ODR4: variants seen among roughly 807,000 people sequenced by gnomAD.
The protein encoded by ODR4 is odr-4 GPCR localization factor homolog, also known as protein odr-4 homolog.
Under a neutral mutation model 60.2 loss-of-function variants are expected in ODR4, and 47 were observed. The observed-to-expected ratio is 0.78, with a 90% CI of 0.62 to 1.00. ODR4 has a LOEUF of 1.00. Among genes scored for constraint, ODR4 ranks in the 50% least tolerant of loss-of-function variants. ODR4 has a pLI of 0.00. For synonymous variants in ODR4, 178 were observed against 175.5 expected (o/e 1.01, Z -0.11); for missense variants, 488 against 530.8 (o/e 0.92, Z 0.79).
downstream of ODR4, among the ~76,000 whole-genome samples, chr1:186,421,546 A>G (rs943741787): frequency 6.6e-6 from 1 of 152,132 alleles, no homozygotes; most frequent in Non-Finnish European, 1.5e-5. Flanking sequence ...TGTAGTCAAG[A>G]GTTCAAGGGT....
chr1:186,411,202 G>A (rs1001417409), intron 12 of ODR4, among the ~76,000 whole-genome samples: 11 of 152,236 alleles, frequency 7.2e-5, no homozygotes, highest in African/African-American at 2.6e-4. Context: ...GGTTAGGAAT[G>A]CTAAGCTGGT....
Position 186,419,181 on chromosome 1 carries a change from A to G in ODR4, c.*105A>G. On this transcript the variant is annotated 3_prime_UTR_variant, in exon 14 of 14. Transcript: ENST00000287859. ...CTGTATTTAAAACACTAGCAGCCAGATCTGCTGCCATGATGCCTATTTGGT... is the reference window on the plus strand; with the variant it reads ...CTGTATTTAAAACACTAGCAGCCAGGTCTGCTGCCATGATGCCTATTTGGT... 2.1e-6 allele frequency: 2 copies of G among 969,334 alleles called. No homozygotes were observed. The highest frequency in any genetic ancestry group is 4.1e-5 in the Admixed American group (2 of 49,208). The allele number at this position is 969,334 out of a possible 1,614,324, so 60.0% of individuals were successfully genotyped here. A position where few individuals can be genotyped will look rare whatever the true frequency, so the allele number is the denominator to read the frequency against.
intron 3 of ODR4, among the ~76,000 whole-genome samples, chr1:186,383,629 ACTTTAAAT>A (rs1020610154): frequency 2.7e-5 from 4 of 150,226 alleles, no homozygotes; most frequent in African/African-American, 9.8e-5. Flanking sequence ...TTTCCAATCA[ACTTTAAAT>A]CTTTAAATCT....
At chr1:186,429,459 A>G in the ODR4 span, among the ~76,000 whole-genome samples, 2 of 152,218 alleles carry the variant, frequency 1.3e-5, no homozygotes, top group Non-Finnish European at 2.9e-5. Flanking sequence ...GCCAACTACA[A>G]TAAAATAAGA....
At chr1:186,414,094 T>C (rs955523653) in intron 12 of ODR4, among the ~76,000 whole-genome samples, 1 of 152,176 alleles carries the variant, frequency 6.6e-6, no homozygotes, top group Non-Finnish European at 1.5e-5. Context: ...ACACAGTGCC[T>C]GAGATTTGGT....
chr1:186,385,848 G>T, intron 3 of ODR4, 140 bp from the exon 4 acceptor site: 1 of 567,156 alleles, frequency 1.8e-6, no homozygotes, highest in South Asian at 2.3e-5. Flanking sequence ...TGTAGCTAAA[G>T]GATGTTGTTA....
intron 3 of ODR4, among the ~76,000 whole-genome samples, chr1:186,384,975 GA>G (rs1479507554): frequency 1.3e-5 from 2 of 151,866 alleles, no homozygotes. Flanking sequence ...GTAGATGATA[GA>G]AAAAAATCCA....
downstream of ODR4, among the ~76,000 whole-genome samples, chr1:186,424,890 G>A (rs1287159418): frequency 1.3e-5 from 2 of 151,748 alleles, no homozygotes; most frequent in African/African-American, 2.4e-5. Context: ...GTCCTTTTGG[G>A]GCCTTAGCTT....
chr1:186,421,790 G>T (rs1273417642), downstream of ODR4, among the ~76,000 whole-genome samples: 4 of 150,764 alleles, frequency 2.7e-5, no homozygotes, highest in African/African-American at 7.3e-5. Flanking sequence ...CTTGAACCAG[G>T]GAGGCGAAGG....
Position 186,412,766 on chromosome 1 carries a change from C to T in ODR4, c.1187-4778C>T, listed in dbSNP as rs147445793. Reference sequence around the variant, plus strand: ...ACCTTAAAGAAGTCCCCTCTGAGTCCTAGATTCTCTTGGGGTTGATGTGAG... The same window carrying T: ...ACCTTAAAGAAGTCCCCTCTGAGTCTTAGATTCTCTTGGGGTTGATGTGAG... On this transcript the variant is annotated intron_variant, in intron 12 of 13. Coordinates refer to ENST00000287859, the MANE Select transcript of ODR4 (RefSeq NM_017847.6). Among the ~76,000 whole-genome samples, 260 of 152,070 alleles carry T rather than the reference C, an allele frequency of 1.7e-3. 2 individuals are homozygous for T. The highest frequency in any genetic ancestry group is 5.9e-3 in the African/African-American group (243 of 41,502).
rs528986038 is a variant in ODR4 at position 186,401,114 on chromosome 1, A to G, written c.1000+2070A>G. Reference sequence around the variant, plus strand: ...GACACATTAGTATACTCTTCTATTTAAAAATCCTTTATAAAAGTGGTATTA... The same window carrying G: ...GACACATTAGTATACTCTTCTATTTGAAAATCCTTTATAAAAGTGGTATTA... On this transcript the variant is annotated intron_variant, in intron 11 of 13. Transcript: ENST00000287859. 1.1e-5 allele frequency: 18 copies of G among 1,595,636 alleles called. No homozygotes were observed. The South Asian group carries it at 2.0e-4, about 18-fold the overall frequency.
At chr1:186,377,888 A>G (rs1659850019) in intron 1 of ODR4, among the ~76,000 whole-genome samples, 1 of 152,174 alleles carries the variant, frequency 6.6e-6, no homozygotes, top group South Asian at 2.1e-4. Context: ...TACTAAAAAT[A>G]CAAAAAATTA....
intron 13 of ODR4, among the ~76,000 whole-genome samples, 170 bp from the exon 14 acceptor site, chr1:186,418,839 C>T (rs1461007322): frequency 6.6e-6 from 1 of 152,156 alleles, no homozygotes; most frequent in African/African-American, 2.4e-5. Flanking sequence ...GTATTTTTCT[C>T]TAAGATGTTG....
At chr1:186,415,347 T>C (rs2102092438) in intron 12 of ODR4, among the ~76,000 whole-genome samples, 1 of 152,334 alleles carries the variant, frequency 6.6e-6, no homozygotes, top group Non-Finnish European at 1.5e-5. Flanking sequence ...GAGCTTGTGC[T>C]CCCATATTGG....
At chr1:186,380,361 T>C (rs1659976459) in intron 2 of ODR4, among the ~76,000 whole-genome samples, 1 of 152,178 alleles carries the variant, frequency 6.6e-6, no homozygotes, top group Non-Finnish European at 1.5e-5. Context: ...TCTTACTGAA[T>C]TTTTTGTTGT....
chr1:186,409,821 G>A (rs1439942661), intron 12 of ODR4, among the ~76,000 whole-genome samples: 1 of 152,184 alleles, frequency 6.6e-6, no homozygotes, highest in Non-Finnish European at 1.5e-5. Flanking sequence ...TGGGATTACA[G>A]GTGTTAGTCA....
chr1:186,409,498 C>T (rs906240821), intron 12 of ODR4, among the ~76,000 whole-genome samples: 5 of 152,156 alleles, frequency 3.3e-5, no homozygotes, highest in African/African-American at 1.2e-4. Context: ...GATTAGAGTC[C>T]AAAGAACAAC....
At chr1:186,412,050 GTGAGTGAC>G (rs1661399510) in intron 12 of ODR4, among the ~76,000 whole-genome samples, 1 of 152,054 alleles carries the variant, frequency 6.6e-6, no homozygotes, top group African/African-American at 2.4e-5. Flanking sequence ...TGGATCTCAA[GTGAGTGAC>G]TGAGTGAGTG....
intron 11 of ODR4, among the ~76,000 whole-genome samples, chr1:186,400,139 G>T (rs1017476349): frequency 6.7e-6 from 1 of 150,056 alleles, no homozygotes; most frequent in Non-Finnish European, 1.5e-5. Context: ...CTACAGGCAC[G>T]CGCCACCATG....
Sources: allele counts gnomAD v4.1 joint callset (sites outside exome capture counted in the v4.1 genomes callset), GRCh38; gene constraint gnomAD v4.1.1; transcripts MANE v1.5; gene names NCBI Gene and HGNC (gene_info 2026-07-23, HGNC 2026-07-21).